CFAP47: variants seen among roughly 807,000 people sequenced by gnomAD.
The protein encoded by CFAP47 is cilia- and flagella-associated protein 47.
In CFAP47, 29 loss-of-function variants were observed where a neutral mutation model predicts 148.1. The observed-to-expected ratio is 0.20, with a 90% confidence interval of 0.15 to 0.27. The LOEUF is 0.27. CFAP47 is among the 10% of genes least tolerant of loss of function. The probability of loss-of-function intolerance (pLI) is 1.00; values close to 1 mark genes in which losing one functional copy is unlikely to be tolerated. For missense variants in CFAP47, 1,872 were observed against 1,697.5 expected (o/e 1.10, Z -1.81); for synonymous variants, 664 against 577.3 (o/e 1.15, Z -2.15).
intron 42 of CFAP47, among the ~76,000 whole-genome samples, chrX:36,194,116 G>GT (rs1306947957): frequency 1.8e-5 from 2 of 111,748 alleles, no homozygotes; most frequent in Non-Finnish European, 3.8e-5. Flanking sequence ...TAAAAAGTTT[G>GT]TATCCTTCAA....
intron 48 of CFAP47, among the ~76,000 whole-genome samples, chrX:36,243,553 G>A (rs1406428162): frequency 3.8e-5 from 4 of 105,774 alleles, no homozygotes; most frequent in Non-Finnish European, 5.9e-5. Context: ...ATAAAATAGA[G>A]TTTAAACCAA....
At chrX:36,044,222 A>G (rs940305391) in intron 25 of CFAP47, among the ~76,000 whole-genome samples, 1 of 113,120 alleles carries the variant, frequency 8.8e-6, no homozygotes, top group African/African-American at 3.2e-5. Flanking sequence ...GCTGTTATGA[A>G]GATCTATGAC....
intron 8 of CFAP47, among the ~76,000 whole-genome samples, chrX:35,958,357 G>A (rs1936276082): frequency 9.0e-6 from 1 of 111,481 alleles, no homozygotes; most frequent in African/African-American, 3.3e-5. Flanking sequence ...ACAACTTTTT[G>A]TGTGGACAGA....
intron 2 of CFAP47, among the ~76,000 whole-genome samples, chrX:35,938,081 T>G (rs1260666270): frequency 8.9e-6 from 1 of 111,777 alleles, no homozygotes; most frequent in Non-Finnish European, 1.9e-5. Flanking sequence ...GGCTTATATA[T>G]AGTGAGTGTT....
At chrX:35,969,989 C>T (rs986507414) in intron 10 of CFAP47, among the ~76,000 whole-genome samples, 1 of 109,667 alleles carries the variant, frequency 9.1e-6, no homozygotes, top group Non-Finnish European at 1.9e-5. Context: ...TGTATACATG[C>T]GCCATGTTGG....
chrX:36,327,950 A>G (rs1941531212), intron 57 of CFAP47, among the ~76,000 whole-genome samples: 1 of 105,900 alleles, frequency 9.4e-6, no homozygotes, highest in Admixed American at 1.0e-4. Flanking sequence ...AAACACTGTG[A>G]GGGTGGGAGG....
intron 62 of CFAP47, among the ~76,000 whole-genome samples, chrX:36,375,619 AT>A (rs1350793840): frequency 8.9e-6 from 1 of 112,408 alleles, no homozygotes; most frequent in African/African-American, 3.2e-5. Flanking sequence ...AAAGTGCAGT[AT>A]TTTGTTTCTT....
In CFAP47 at chrX:36,190,137, C is replaced by T. The variant is rs950741875; in HGVS notation, c.6262C>T (p.Arg2088Cys). 2.0e-5 allele frequency: 6 copies of T among 296,624 alleles called. No homozygotes were observed. Among genetic ancestry groups the T allele is most frequent in the Admixed American group, 6.1e-5 (1 of 16,289 alleles). The allele number at this position is 296,624 out of a possible 1,213,427, so 24.4% of individuals were successfully genotyped here. A position where few individuals can be genotyped will look rare whatever the true frequency, so the allele number is the denominator to read the frequency against. Residue 2088 changes from arginine (R) to cysteine (C), a missense_variant, in exon 42 of 64, where the codon CGC becomes TGC. Transcript: ENST00000378653. ...GVKGTSSLELRFLPFNMHVRY... is the reference protein window; with the variant it reads ...GVKGTSSLELCFLPFNMHVRY... ...GAAAGGAACTTCAAGCCTAGAGCTC[C>T]GCTTTCTTCCCTTTAACATGCACGT... is the stretch of plus-strand genomic sequence containing the variant.
At chrX:35,987,870 C>T (rs1026983938) in intron 15 of CFAP47, among the ~76,000 whole-genome samples, 3 of 111,410 alleles carry the variant, frequency 2.7e-5, no homozygotes, top group East Asian at 2.9e-4. Flanking sequence ...GGGAGTTTCC[C>T]GACCACTTGT....
intron 49 of CFAP47, among the ~76,000 whole-genome samples, chrX:36,274,667 G>A (rs966862681): frequency 5.6e-4 from 63 of 112,004 alleles, no homozygotes; most frequent in African/African-American, 2.0e-3. Context: ...CATTGCTAGT[G>A]TATAAAAATG....
In CFAP47 at chrX:35,940,273, C is replaced by T. The variant is rs903255105; in HGVS notation, c.402-1010C>T. Among the ~76,000 whole-genome samples, 9 of 110,952 alleles carry T rather than the reference C, an allele frequency of 8.1e-5. No homozygotes were observed. In the East Asian group the frequency reaches 2.3e-3, roughly 28 times the overall value. ...CTGTTCACTCTGATGGTAGTTTCTTCTGCTGTGCAGAAGCTCTTGAGTTTA... is the reference window on the plus strand; with the variant it reads ...CTGTTCACTCTGATGGTAGTTTCTTTTGCTGTGCAGAAGCTCTTGAGTTTA... On this transcript the variant is annotated intron_variant, in intron 2 of 63. Coordinates refer to ENST00000378653, the MANE Select transcript of CFAP47 (RefSeq NM_001304548.2).
intron 30 of CFAP47, among the ~76,000 whole-genome samples, chrX:36,096,728 G>T (rs1440065653): frequency 9.1e-6 from 1 of 109,299 alleles, no homozygotes; most frequent in East Asian, 2.9e-4. Flanking sequence ...TTCAGTCTAT[G>T]TGCATCTTTA....
chrX:36,271,036 A>G (rs781950315), intron 49 of CFAP47, among the ~76,000 whole-genome samples: 1 of 110,732 alleles, frequency 9.0e-6, no homozygotes, highest in Admixed American at 9.7e-5. Context: ...ATGAAGGGGC[A>G]ATAAAACAAA....
At chrX:36,079,694 C>T (rs1262307029) in intron 29 of CFAP47, among the ~76,000 whole-genome samples, 1 of 111,372 alleles carries the variant, frequency 9.0e-6, no homozygotes, top group Non-Finnish European at 1.9e-5. Flanking sequence ...ATTGTCAAAG[C>T]AACAATGGTA....
chrX:35,968,247 TATC>T (rs1035407531), intron 10 of CFAP47, among the ~76,000 whole-genome samples: 9 of 110,731 alleles, frequency 8.1e-5, no homozygotes, highest in Admixed American at 4.9e-4. Flanking sequence ...CAATCATGGT[TATC>T]ATCATCATCA....
intron 25 of CFAP47, among the ~76,000 whole-genome samples, chrX:36,040,574 T>C (rs1368161560): frequency 9.0e-6 from 1 of 111,594 alleles, no homozygotes; most frequent in Non-Finnish European, 1.9e-5. Context: ...CAAAAATTTT[T>C]AAAGGGTTGA....
rs185501835 is a variant in CFAP47 at position 36,003,754 on chromosome X, G to A, written c.3417+2047G>A. 1.0e-3 allele frequency among the ~76,000 whole-genome samples: 109 copies of A among 108,539 alleles called. 1 individual carries two copies. The highest frequency in any genetic ancestry group is 3.5e-3 in the African/African-American group (103 of 29,776). 94.3% of individuals were successfully genotyped at this position (108,539 alleles called of 115,157 possible). A position where few individuals can be genotyped will look rare whatever the true frequency, so the allele number is the denominator to read the frequency against. On this transcript the variant is annotated intron_variant, in intron 21 of 63. Coordinates refer to ENST00000378653, the MANE Select transcript of CFAP47 (RefSeq NM_001304548.2). ...TCTCTCACTACTCCTATTCAACTTA[G>A]TATTATAAGTCCTGGCCAGAGCAAT...
intron 22 of CFAP47, among the ~76,000 whole-genome samples, chrX:36,028,263 T>C (rs1454865499): frequency 9.0e-6 from 1 of 111,624 alleles, no homozygotes; most frequent in Non-Finnish European, 1.9e-5. Context: ...CTATGTTTTC[T>C]TGTAGGATCA....
At chrX:36,304,961 A>T (rs1299510775) in intron 54 of CFAP47, among the ~76,000 whole-genome samples, 1 of 109,918 alleles carries the variant, frequency 9.1e-6, no homozygotes, top group African/African-American at 3.3e-5. Flanking sequence ...GACTGTTTTT[A>T]TCAAGGGACT....
Sources: gnomAD v4.1 joint callset for allele counts (sites outside exome capture counted in the v4.1 genomes callset) on GRCh38, gnomAD v4.1.1 for gene constraint, MANE v1.5 for transcripts, NCBI Gene and HGNC (gene_info 2026-07-23, HGNC 2026-07-21) for gene names.